The following SASS6 variants were observed in gnomAD, a reference collection of about 807,000 sequenced individuals.
SASS6 encodes spindle assembly abnormal protein 6 homolog.
A neutral mutation model predicts 94.9 loss-of-function variants in SASS6; 59 were observed. That is an observed-to-expected ratio of 0.62 (90% CI 0.50 to 0.77). The LOEUF is 0.77. Ranked by LOEUF, SASS6 falls within the 30% of genes least tolerant of loss-of-function variation. SASS6 has a pLI of 0.00. For synonymous variants in SASS6, 264 were observed against 270.0 expected, an observed-to-expected ratio of 0.98 and a Z score of 0.22; for missense variants, 698 against 734.1, an observed-to-expected ratio of 0.95 and a Z score of 0.57.
chr1:100,109,185 A>C (rs1653124308), intron 8 of SASS6, among the ~76,000 whole-genome samples: 1 of 152,116 alleles, frequency 6.6e-6, no homozygotes, highest in Non-Finnish European at 1.5e-5. Context: ...CTTTACAACC[A>C]GTATGAAGAG....
Position 100,084,879 on chromosome 1 carries a change from T to C in SASS6, c.*449A>G, listed in dbSNP as rs1188224554. On this transcript the variant is annotated 3_prime_UTR_variant, in exon 17 of 17. Transcript: ENST00000287482. ...ATAATATATCTCAAGAGGTAATCAT[T>C]TTCCCTCATGATTTTCAGGTGTTGA... 2 of 153,978 alleles carry C rather than the reference T, an allele frequency of 1.3e-5. No individual in the cohort carries two copies. The highest frequency in any genetic ancestry group is 4.8e-5 in the African/African-American group (2 of 41,464). The allele number at this position is 153,978 out of a possible 1,614,324, so 9.5% of individuals were successfully genotyped here. A position where few individuals can be genotyped will look rare whatever the true frequency, so the allele number is the denominator to read the frequency against.
chr1:100,086,505 A>C (rs1359833327), intron 15 of SASS6, among the ~76,000 whole-genome samples: 4 of 137,616 alleles, frequency 2.9e-5, no homozygotes, highest in East Asian at 2.2e-4. Context: ...TCTGTCTATA[A>C]TGATTTGATT....
chr1:100,095,942 T>C (rs1180911309), intron 14 of SASS6, among the ~76,000 whole-genome samples: 1 of 152,210 alleles, frequency 6.6e-6, no homozygotes, highest in Non-Finnish European at 1.5e-5. Context: ...TTAATATTCA[T>C]GGATTGGAAG....
intron 8 of SASS6, among the ~76,000 whole-genome samples, chr1:100,109,276 G>C (rs1443960236): frequency 1.3e-5 from 2 of 152,078 alleles, no homozygotes; most frequent in Non-Finnish European, 2.9e-5. Context: ...TCAGGCTTTA[G>C]AGCTTCTAAG....
chr1:100,120,031 C>T (rs1308767116), intron 6 of SASS6, among the ~76,000 whole-genome samples: 2 of 152,062 alleles, frequency 1.3e-5, no homozygotes, highest in South Asian at 2.1e-4. Flanking sequence ...CTAAACATAG[C>T]AAAGAAAGGG....
In SASS6 at chr1:100,131,706, T is replaced by C. The variant is rs1005388123; in HGVS notation, c.65+1044A>G. On this transcript the variant is annotated intron_variant, in intron 1 of 16. Transcript: ENST00000287482. The stretch of plus-strand genomic sequence containing the variant: ...GACCATCTCCTTGACCGGCTTGCCA[T>C]TGATTTTTGACCGAATTCTGAACTA... 2.6e-5 allele frequency among the ~76,000 whole-genome samples: 4 copies of C among 152,228 alleles called. No individual in the cohort carries two copies. The East Asian group carries it at 5.8e-4, about 22-fold the overall frequency.
intron 12 of SASS6, among the ~76,000 whole-genome samples, chr1:100,106,205 A>G (rs1452261468): frequency 6.6e-6 from 1 of 152,204 alleles, no homozygotes; most frequent in Admixed American, 6.5e-5. Flanking sequence ...TCACAATCTT[A>G]TGTATGATAC....
chr1:100,126,755 A>G (rs537300134), intron 1 of SASS6, among the ~76,000 whole-genome samples: 5 of 152,212 alleles, frequency 3.3e-5, no homozygotes, highest in African/African-American at 9.6e-5. Flanking sequence ...CAGCCTGGGC[A>G]ACAGAGACCC....
intron 13 of SASS6, 133 bp from the exon 14 acceptor site, chr1:100,103,216 T>A: frequency 1.8e-6 from 1 of 568,696 alleles, no homozygotes; most frequent in Non-Finnish European, 3.1e-6. Flanking sequence ...CAGTCTTGTT[T>A]ATCATGCCAC....
chr1:100,090,230 G>A (rs1040774475), intron 14 of SASS6, among the ~76,000 whole-genome samples: 29 of 152,212 alleles, frequency 1.9e-4, no homozygotes, highest in African/African-American at 6.5e-4. Context: ...CTTATTATAT[G>A]CATTACATTT....
Position 100,086,127 on chromosome 1 carries a change from G to A in SASS6, c.1773-497C>T, listed in dbSNP as rs571417088. Among the ~76,000 whole-genome samples, 3 of 142,628 alleles carry A rather than the reference G, an allele frequency of 2.1e-5. No homozygotes were observed. In the South Asian group the frequency reaches 6.3e-4, roughly 30 times the overall value. The allele number at this position is 142,628 out of a possible 152,430, so 93.6% of individuals were successfully genotyped here. ...GAGAAAATCTGGGGGAGAAAGAAGGGCATTTCTGTGTTTCCCCTTTCTACC... is the reference window on the plus strand; with the variant it reads ...GAGAAAATCTGGGGGAGAAAGAAGGACATTTCTGTGTTTCCCCTTTCTACC... On this transcript the variant is annotated intron_variant, in intron 15 of 16. Transcript: ENST00000287482.
At chr1:100,110,526 A>T in intron 7 of SASS6, 43 bp from the exon 8 acceptor site, 2 of 1,021,244 alleles carry the variant, frequency 2.0e-6, no homozygotes, top group Non-Finnish European at 1.4e-6. Context: ...CAAAGAAAAA[A>T]ATCAGAAATA....
At position 100,105,812 on chromosome 1, in the gene SASS6, G is replaced by A. The variant is rs1438207046; in HGVS notation, c.1500C>T (p.Ser500=). 4 of 1,613,074 alleles carry A rather than the reference G, an allele frequency of 2.5e-6. No individual in the cohort carries two copies. The highest frequency in any genetic ancestry group is 3.4e-6 in the Non-Finnish European group (4 of 1,179,478). The change falls in exon 13 of 17, where the codon TCC becomes TCT. Residue 500 remains serine (S), a synonymous_variant. Coordinates refer to ENST00000287482, the MANE Select transcript of SASS6 (RefSeq NM_194292.3). ...TTCCACTTCTGATTGTGTTGCTGCT[G>A]GAATGTGCAGGCGGAGTAGTAGAAG... is the stretch of plus-strand genomic sequence containing the variant. ...LGPSTTPPAH[S]SSNTIRSGIS...
intron 15 of SASS6, among the ~76,000 whole-genome samples, chr1:100,086,884 C>G (rs1207702323): frequency 6.6e-6 from 1 of 152,084 alleles, no homozygotes; most frequent in African/African-American, 2.4e-5. Flanking sequence ...TGATATTCTA[C>G]CATTAACAGG....
intron 11 of SASS6, 67 bp downstream of exon 11, chr1:100,107,307 C>T: frequency 1.0e-6 from 1 of 970,352 alleles, no homozygotes; most frequent in Non-Finnish European, 1.6e-6. Flanking sequence ...GTTAATGTAA[C>T]AAAGCATAAA....
chr1:100,084,731 A>G lies in SASS6; in HGVS notation c.*597T>C, dbSNP rs996274749. On this transcript the variant is annotated 3_prime_UTR_variant, in exon 17 of 17. Coordinates refer to ENST00000287482, the MANE Select transcript of SASS6 (RefSeq NM_194292.3). Reference sequence around the variant, plus strand: ...AAAAACTGTCCAAATTATTTTAAGTATATCAAATTTATTTGATTCATCACT... The same window carrying G: ...AAAAACTGTCCAAATTATTTTAAGTGTATCAAATTTATTTGATTCATCACT... 1 of 152,306 alleles carries G rather than the reference A, an allele frequency of 6.6e-6. No homozygotes were observed. Among genetic ancestry groups the G allele is most frequent in the East Asian group, 1.9e-4 (1 of 5,192 alleles). 9.4% of individuals were successfully genotyped at this position (152,306 alleles called of 1,614,324 possible). A position where few individuals can be genotyped will look rare whatever the true frequency, so the allele number is the denominator to read the frequency against.
At chr1:100,115,220 G>A (rs1653687265) in intron 7 of SASS6, among the ~76,000 whole-genome samples, 1 of 152,074 alleles carries the variant, frequency 6.6e-6, no homozygotes, top group South Asian at 2.1e-4. Flanking sequence ...TAGTAAGGTG[G>A]CTGGATATGA....
chr1:100,104,550 C>T (rs1423984836), intron 13 of SASS6, among the ~76,000 whole-genome samples: 11 of 152,182 alleles, frequency 7.2e-5, no homozygotes, highest in Middle Eastern at 3.4e-3. Context: ...ACCTCCACCT[C>T]CTGGGTTCAA....
intron 13 of SASS6, among the ~76,000 whole-genome samples, chr1:100,104,262 A>ATCCATTTTTAGTCATATCTAAACTG: frequency 6.6e-6 from 1 of 152,204 alleles, no homozygotes; most frequent in Non-Finnish European, 1.5e-5. Context: ...TTCAGGCATG[A>ATCCATTTTTAGTCATATCTAAACTG]TTATGAAACA....
Sources: allele counts gnomAD v4.1 joint callset (sites outside exome capture counted in the v4.1 genomes callset), GRCh38; gene constraint gnomAD v4.1.1; transcripts MANE v1.5; gene names NCBI Gene and HGNC (gene_info 2026-07-23, HGNC 2026-07-21).